The following CHL1 variants were observed in gnomAD, a reference collection of about 807,000 sequenced individuals.
CHL1 encodes the protein cell adhesion molecule L1 like.
In CHL1, 96 loss-of-function variants were observed where a neutral mutation model predicts 141.9. That is an observed-to-expected ratio of 0.68 (90% CI 0.57 to 0.80). The LOEUF (loss-of-function observed/expected upper bound fraction) is 0.80, where lower values mean the gene tolerates loss of function less well. CHL1 is among the 30% of genes least tolerant of loss of function. The pLI is 0.00. For synonymous variants in CHL1, 613 were observed against 502.2 expected (o/e 1.22, Z -2.95); for missense variants, 1,820 against 1,457.2 (o/e 1.25, Z -4.05).
At chr3:269,259 T>C (rs527969544) in intron 2 of CHL1, among the ~76,000 whole-genome samples, 8 of 152,330 alleles carry the variant, frequency 5.3e-5, no homozygotes, top group African/African-American at 9.6e-5. Context: ...ATTCCTTCTA[T>C]AGCGCTTTTC....
intron 1 of CHL1, among the ~76,000 whole-genome samples, chr3:215,506 G>C (rs1700242137): frequency 6.6e-6 from 1 of 152,146 alleles, no homozygotes; most frequent in Non-Finnish European, 1.5e-5. Flanking sequence ...GGTGACTATA[G>C]TAAACAGTAT....
intron 1 of CHL1, among the ~76,000 whole-genome samples, chr3:234,177 G>C (rs1691703475): frequency 9.3e-6 from 1 of 107,460 alleles, no homozygotes; most frequent in South Asian, 3.3e-4. Flanking sequence ...ATTTTATTAG[G>C]TATATGTGTG....
chr3:388,000 T>A (rs1227758115), intron 19 of CHL1, among the ~76,000 whole-genome samples: 1 of 152,240 alleles, frequency 6.6e-6, no homozygotes, highest in African/African-American at 2.4e-5. Flanking sequence ...GGATTACAGA[T>A]TCTGTAAGAA....
chr3:318,066 A>G (rs772904325), intron 2 of CHL1, among the ~76,000 whole-genome samples: 5 of 151,920 alleles, frequency 3.3e-5, no homozygotes, highest in Non-Finnish European at 5.9e-5. Flanking sequence ...ACTCTAATTC[A>G]GGACAAAGAT....
At chr3:329,505 T>C (rs1701275998) in intron 5 of CHL1, among the ~76,000 whole-genome samples, 3 of 151,946 alleles carry the variant, frequency 2.0e-5, no homozygotes, top group Admixed American at 1.3e-4. Flanking sequence ...TTAAAATTTA[T>C]AAGTATGTAC....
At position 360,419 on chromosome 3, in the gene CHL1, T is replaced by C. The variant is rs747927522; in HGVS notation, c.1301T>C (p.Val434Ala). The C allele has an allele frequency of 1.9e-6, 3 of 1,613,330 alleles. No homozygotes were observed. Among genetic ancestry groups the C allele is most frequent in the South Asian group, 1.1e-5 (1 of 90,966 alleles). The stretch of plus-strand genomic sequence containing the variant: ...ATCCTTGCCAATGCCAATATTGATG[T>C]TGTGGGTGAGTGTGCCTGGGAGCTG... ...GTILANANID[V>A]VDVRPLIQTK... Residue 434 changes from valine to alanine, a missense_variant, in exon 12 of 28, where the codon GTT (valine) becomes GCT (alanine). Transcript: ENST00000256509.
chr3:305,423 G>A (rs1699137865), intron 2 of CHL1, among the ~76,000 whole-genome samples: 1 of 152,000 alleles, frequency 6.6e-6, no homozygotes. Context: ...ACATGATTAA[G>A]AACGCTTGCA....
intron 2 of CHL1, among the ~76,000 whole-genome samples, chr3:290,699 A>T (rs931377671): frequency 6.6e-6 from 1 of 152,130 alleles, no homozygotes; most frequent in African/African-American, 2.4e-5. Flanking sequence ...CCCTTTCCTC[A>T]TTTGGAACTT....
At chr3:289,263 A>G (rs1276977374) in intron 2 of CHL1, among the ~76,000 whole-genome samples, 1 of 152,216 alleles carries the variant, frequency 6.6e-6, no homozygotes, top group Non-Finnish European at 1.5e-5. Context: ...TATCTTAAAG[A>G]CATAAAAACT....
At position 360,423 on chromosome 3, in the gene CHL1, G is replaced by T; in HGVS notation, c.1305G>T (p.Val435=). 1 of 1,613,178 alleles carries T rather than the reference G, an allele frequency of 6.2e-7. No homozygotes were observed. Among genetic ancestry groups the T allele is most frequent in the Non-Finnish European group, 8.5e-7 (1 of 1,179,536 alleles). ...TTGCCAATGCCAATATTGATGTTGT[G>T]GGTGAGTGTGCCTGGGAGCTGACTT... The part of the protein sequence containing the change: ...TILANANIDV[V]DVRPLIQTKD... Residue 435 remains valine (V), a splice_region_variant and synonymous_variant, in exon 12 of 28, where the codon GTG becomes GTT. Coordinates refer to ENST00000256509, the MANE Select transcript of CHL1 (RefSeq NM_006614.4).
At chr3:288,941 G>T (rs559118270) in intron 2 of CHL1, among the ~76,000 whole-genome samples, 83 of 152,158 alleles carry the variant, frequency 5.5e-4, no homozygotes, top group African/African-American at 2.0e-3. Flanking sequence ...CATGCCTTTG[G>T]TTTTGTGAGC....
rs1427696950 is a variant in CHL1 at position 407,559 on chromosome 3, C to T, written c.*1848C>T. 6.6e-6 allele frequency: 1 copy of T among 152,098 alleles called. No homozygotes were observed. The highest frequency in any genetic ancestry group is 1.5e-5 in the Non-Finnish European group (1 of 68,032). 9.4% of individuals were successfully genotyped at this position (152,098 alleles called of 1,614,324 possible). ...TCCATCAGTGCAACTCGAGCTCCAT[C>T]CTCCTCCGATTTCTAAGGTTCCAGT... On this transcript the variant is annotated 3_prime_UTR_variant, in exon 28 of 28. Transcript: ENST00000256509.
intron 14 of CHL1, among the ~76,000 whole-genome samples, chr3:364,856 G>A (rs1356215549): frequency 6.6e-6 from 1 of 152,032 alleles, no homozygotes; most frequent in Non-Finnish European, 1.5e-5. Context: ...TCATAAAGTT[G>A]TTATAATTAT....
At chr3:225,824 T>A (rs565575364) in intron 1 of CHL1, among the ~76,000 whole-genome samples, 38 of 151,990 alleles carry the variant, frequency 2.5e-4, no homozygotes, top group South Asian at 8.3e-4. Flanking sequence ...CCTGGCTAAC[T>A]CTGTGAAAAC....
At chr3:314,327 GTGTATA>G (rs1488263832) in intron 2 of CHL1, among the ~76,000 whole-genome samples, 17 of 57,030 alleles carry the variant, frequency 3.0e-4, no homozygotes, top group African/African-American at 8.9e-4. Context: ...CTCTCTCTAT[GTGTATA>G]TATATATATA....
chr3:248,721 A>T (rs1693412081), intron 2 of CHL1: 1 of 152,106 alleles, frequency 6.6e-6, no homozygotes, highest in Admixed American at 6.6e-5. Context: ...GATTCATTTC[A>T]TCAAAAGAAA....
intron 1 of CHL1, among the ~76,000 whole-genome samples, chr3:199,265 G>T (rs1698706127): frequency 6.6e-6 from 1 of 152,200 alleles, no homozygotes; most frequent in African/African-American, 2.4e-5. Context: ...AGTTATTACT[G>T]GATGGGTGTG....
At chr3:269,795 G>A (rs145962208) in intron 2 of CHL1, among the ~76,000 whole-genome samples, 49 of 152,294 alleles carry the variant, frequency 3.2e-4, no homozygotes, top group African/African-American at 1.0e-3. Context: ...CAAAGTGCAC[G>A]GATTACAAGG....
intron 2 of CHL1, among the ~76,000 whole-genome samples, chr3:249,391 A>C (rs975964069): frequency 4.6e-5 from 7 of 152,190 alleles, no homozygotes; most frequent in Non-Finnish European, 8.8e-5. Flanking sequence ...AGGAGGGAAA[A>C]AAATCAGAAA....
Sources: gnomAD v4.1 joint callset for allele counts (sites outside exome capture counted in the v4.1 genomes callset) on GRCh38, gnomAD v4.1.1 for gene constraint, MANE v1.5 for transcripts, NCBI Gene and HGNC (gene_info 2026-07-23, HGNC 2026-07-21) for gene names.